SLC23A2: variants seen among roughly 807,000 people sequenced by gnomAD.
SLC23A2 encodes the protein solute carrier family 23 member 2, also known as Na(+)/L-ascorbic acid transporter 2.
Under a neutral mutation model 73.3 loss-of-function variants are expected in SLC23A2, and 36 were observed. The observed-to-expected ratio is 0.49, with a 90% CI of 0.38 to 0.65. SLC23A2 has a LOEUF of 0.65. SLC23A2 is among the 30% of genes least tolerant of loss of function. SLC23A2 has a pLI of 0.00. For synonymous variants in SLC23A2, 343 were observed against 327.3 expected, an observed-to-expected ratio of 1.05 and a Z score of -0.52; for missense variants, 507 against 841.6, an observed-to-expected ratio of 0.60 and a Z score of 4.92.
intron 1 of SLC23A2, among the ~76,000 whole-genome samples, chr20:4,981,568 G>A (rs1399085801): frequency 6.6e-6 from 1 of 152,122 alleles, no homozygotes; most frequent in Non-Finnish European, 1.5e-5. Context: ...TGCTGTCGAG[G>A]TTGAGGACCA....
intron 1 of SLC23A2, among the ~76,000 whole-genome samples, chr20:5,009,098 A>C (rs1167814717): frequency 1.3e-5 from 2 of 152,188 alleles, no homozygotes; most frequent in Middle Eastern, 3.4e-3. Flanking sequence ...TTGCATATGC[A>C]TCTTAATTTT....
At position 4,957,702 on chromosome 20, in the gene SLC23A2, A is replaced by G. The variant is rs2087313741; in HGVS notation, c.-155+13091T>C. ...GATTACCTGAGGTCAGGAGTTCAAG[A>G]CCAGCCTGGCCAACATGGTGAAACC... is the stretch of plus-strand genomic sequence containing the variant. On this transcript the variant is annotated intron_variant, in intron 2 of 16. Transcript: ENST00000338244. Among the ~76,000 whole-genome samples, 3 of 151,800 alleles carry G rather than the reference A, an allele frequency of 2.0e-5. No individual in the cohort carries two copies. The South Asian group carries it at 6.2e-4, about 32-fold the overall frequency.
At chr20:4,893,352 G>A (rs565323825) in intron 6 of SLC23A2, among the ~76,000 whole-genome samples, 106 of 152,154 alleles carry the variant, frequency 7.0e-4, no homozygotes, top group African/African-American at 2.4e-3. Flanking sequence ...GCCCTGAACC[G>A]CCTTGCTCAG....
intron 2 of SLC23A2, among the ~76,000 whole-genome samples, chr20:4,937,525 T>C (rs1286207310): frequency 6.6e-6 from 1 of 152,186 alleles, no homozygotes; most frequent in Non-Finnish European, 1.5e-5. Context: ...TCTGACCTCT[T>C]ATTAAATAAA....
Position 4,874,079 on chromosome 20 carries a change from A to G in SLC23A2, c.959T>C (p.Ile320Thr). ...LFKMFPIILA[I>T]LVSWLLCFIF... is the part of the protein sequence containing the mutation. ...GAAGCAGAGCAGCCAGGATACCAGG[A>G]TGGCCAGGATGATCTGGAGTGGTCA... The change falls in exon 11 of 17, where the codon ATC becomes ACC. Residue 320 changes from isoleucine (I) to threonine (T), a missense_variant. Physicochemically the swap from Ile to Thr is moderately conservative, Grantham distance 89. Transcript: ENST00000338244. 1 of 1,613,534 alleles carries G rather than the reference A, an allele frequency of 6.2e-7. No individual in the cohort carries two copies. Among genetic ancestry groups the G allele is most frequent in the Non-Finnish European group, 8.5e-7 (1 of 1,179,672 alleles).
chr20:4,995,325 C>A (rs1174859438), intron 1 of SLC23A2, among the ~76,000 whole-genome samples: 1 of 152,114 alleles, frequency 6.6e-6, no homozygotes, highest in East Asian at 1.9e-4. Context: ...CGGTCCTGCT[C>A]CCATTCAGCC....
chr20:4,862,178 C>A lies in SLC23A2; in HGVS notation c.1487-93G>T. ...GGGCAGGCTCCCTGGCACCCCTTCT[C>A]TGTCCAACAGAAACCAATGAGACCA... On this transcript the variant is annotated intron_variant, in intron 14 of 16. Coordinates refer to ENST00000338244, the MANE Select transcript of SLC23A2 (RefSeq NM_005116.6). The surrounding 1 kb of genome is among the most constrained non-coding windows in gnomAD (Gnocchi z 5.1). 1 of 1,303,462 alleles carries A rather than the reference C, an allele frequency of 7.7e-7. No individual in the cohort carries two copies. Among genetic ancestry groups the A allele is most frequent in the South Asian group, 1.3e-5 (1 of 74,714 alleles). The allele number at this position is 1,303,462 out of a possible 1,614,324, so 80.7% of individuals were successfully genotyped here. A position where few individuals can be genotyped will look rare whatever the true frequency, so the allele number is the denominator to read the frequency against.
intron 9 of SLC23A2, among the ~76,000 whole-genome samples, chr20:4,878,476 A>G (rs1000515373): frequency 6.6e-6 from 1 of 152,110 alleles, no homozygotes; most frequent in Non-Finnish European, 1.5e-5. Flanking sequence ...GTGAGCTGCC[A>G]CGACAGATTT....
intron 2 of SLC23A2, among the ~76,000 whole-genome samples, chr20:4,966,809 TACACACACACACACACACACACAC>T (rs56931121): frequency 2.7e-5 from 3 of 109,754 alleles, no homozygotes; most frequent in Admixed American, 1.0e-4. Flanking sequence ...TTGATAGTTT[TACACACACACACACACACACACAC>T]ACACACACAC....
rs1416095030 is a variant in SLC23A2 at position 4,968,252 on chromosome 20, G to T, written c.-155+2541C>A. Among the ~76,000 whole-genome samples the T allele has an allele frequency of 2.0e-5, 3 of 152,140 alleles. No individual in the cohort carries two copies. The East Asian group carries it at 5.8e-4, about 29-fold the overall frequency. ...AGATTAGGGTTAGCCTTGAAAGATG[G>T]CGGGAATCCCAAGAGAGATGCCACT... On this transcript the variant is annotated intron_variant, in intron 2 of 16. Coordinates refer to ENST00000338244, the MANE Select transcript of SLC23A2 (RefSeq NM_005116.6).
At chr20:4,889,091 C>A (rs550235517) in intron 6 of SLC23A2, among the ~76,000 whole-genome samples, 14 of 152,200 alleles carry the variant, frequency 9.2e-5, no homozygotes, top group Non-Finnish European at 1.6e-4. Flanking sequence ...ACTTCCTGAG[C>A]CCTTCTGTTT....
intron 4 of SLC23A2, among the ~76,000 whole-genome samples, chr20:4,910,919 A>T (rs1932120277): frequency 6.6e-6 from 1 of 152,182 alleles, no homozygotes; most frequent in African/African-American, 2.4e-5. Context: ...ATCTAGCATA[A>T]ATGTGCTAGA....
intron 9 of SLC23A2, among the ~76,000 whole-genome samples, chr20:4,880,742 G>T (rs1334715173): frequency 6.6e-6 from 1 of 151,738 alleles, no homozygotes; most frequent in Admixed American, 6.6e-5. Flanking sequence ...TGCATGCCTG[G>T]GTGCTCAGAG....
rs761335363 is a variant in SLC23A2 at position 4,883,671 on chromosome 20, T to C, written c.795A>G (p.Arg265=). Residue 265 remains arginine (R), a synonymous_variant, in exon 9 of 17, where the codon AGA becomes AGG. Coordinates refer to ENST00000338244, the MANE Select transcript of SLC23A2 (RefSeq NM_005116.6). The surrounding 1 kb of genome is among the most constrained non-coding windows in gnomAD (Gnocchi z 4.5). ...TGGCAATGCCCCAGTGCTTCCCGGCTCTCTCCCCCGCTGCCTGGAAACCAG... is the reference window on the plus strand; with the variant it reads ...TGGCAATGCCCCAGTGCTTCCCGGCCCTCTCCCCCGCTGCCTGGAAACCAG... ...GLSGFQAAGE[R]AGKHWGIAML... The C allele has an allele frequency of 7.7e-5, 125 of 1,613,052 alleles. No homozygotes were observed. In the East Asian group the frequency reaches 2.8e-3, roughly 36 times the overall value.
At chr20:4,879,297 G>A (rs568455783) in intron 9 of SLC23A2, among the ~76,000 whole-genome samples, 28 of 150,452 alleles carry the variant, frequency 1.9e-4, no homozygotes, top group African/African-American at 3.7e-4. Flanking sequence ...TAATCCCAGC[G>A]ACTTGGGAGG....
At chr20:5,002,397 T>C (rs2088140785), upstream of SLC23A2, among the ~76,000 whole-genome samples, 1 of 152,230 alleles carries the variant, frequency 6.6e-6, no homozygotes, top group Admixed American at 6.5e-5. Context: ...TACAATTTTT[T>C]AAATGTTCTA....
intron 6 of SLC23A2, among the ~76,000 whole-genome samples, chr20:4,894,087 A>G (rs954924614): frequency 6.6e-6 from 1 of 152,314 alleles, no homozygotes; most frequent in Admixed American, 6.5e-5. Context: ...GCTTTGTACT[A>G]ATTCCCGGAA....
upstream of SLC23A2, among the ~76,000 whole-genome samples, chr20:5,002,068 C>T (rs1568664867): frequency 2.6e-5 from 4 of 152,090 alleles, no homozygotes; most frequent in African/African-American, 9.7e-5. Flanking sequence ...AGGCTAGGGG[C>T]GGGTTCACAT....
chr20:4,872,840 C>T lies in SLC23A2; in HGVS notation c.1102+1096G>A, dbSNP rs1236101731. The stretch of plus-strand genomic sequence containing the variant: ...CGCAATCTCGACTCACTGCAACCTC[C>T]GCCTCCCAGATCCAAGCGATTCTCC... On this transcript the variant is annotated intron_variant, in intron 11 of 16. Transcript: ENST00000338244. This position sits in a 1 kb window ranked among gnomAD's most constrained non-coding sequence, Gnocchi z 4.4. Among the ~76,000 whole-genome samples, 1 of 152,086 alleles carries T rather than the reference C, an allele frequency of 6.6e-6. No individual in the cohort carries two copies. The highest frequency in any genetic ancestry group is 1.5e-5 in the Non-Finnish European group (1 of 68,030).
Sources: allele counts gnomAD v4.1 joint callset (sites outside exome capture counted in the v4.1 genomes callset), GRCh38; gene constraint gnomAD v4.1.1; non-coding constraint Gnocchi (gnomAD v3.1); transcripts MANE v1.5; gene names NCBI Gene and HGNC (gene_info 2026-07-23, HGNC 2026-07-21).